ARHGAP15: variants seen among roughly 807,000 people sequenced by gnomAD.
The protein encoded by ARHGAP15 is Rho GTPase activating protein 15, also known as rho GTPase-activating protein 15.
ARHGAP15 carries 51 observed loss-of-function variants against 63.7 expected under a neutral mutation model. The ratio of observed to expected loss-of-function variants is 0.80; its 90% CI spans 0.64 to 1.01. ARHGAP15 has a LOEUF of 1.01. Ranked by LOEUF, ARHGAP15 falls within the 50% of genes least tolerant of loss-of-function variation. ARHGAP15 has a pLI of 0.00. For synonymous variants in ARHGAP15, 191 were observed against 193.8 expected (o/e 0.99, Z 0.12); for missense variants, 560 against 564.6 (o/e 0.99, Z 0.08).
At chr2:143,668,327 G>A (rs1305798075) in intron 12 of ARHGAP15, among the ~76,000 whole-genome samples, 55 of 150,908 alleles carry the variant, frequency 3.6e-4, no homozygotes, top group Non-Finnish European at 1.0e-4. Flanking sequence ...TCAGCATACA[G>A]AGCAAAGTTA....
intron 10 of ARHGAP15, among the ~76,000 whole-genome samples, chr2:143,520,155 T>C (rs769862813): frequency 1.4e-4 from 21 of 152,296 alleles, no homozygotes; most frequent in Non-Finnish European, 2.6e-4. Flanking sequence ...ATATATATCA[T>C]GTAAAAGATA....
At chr2:143,300,532 A>T (rs1445487674) in intron 6 of ARHGAP15, among the ~76,000 whole-genome samples, 1 of 151,812 alleles carries the variant, frequency 6.6e-6, no homozygotes, top group Admixed American at 6.6e-5. Flanking sequence ...CAGACCTGGA[A>T]CTCTACATTC....
At chr2:143,685,954 A>T (rs1372892787) in intron 12 of ARHGAP15, among the ~76,000 whole-genome samples, 1 of 152,242 alleles carries the variant, frequency 6.6e-6, no homozygotes, top group Non-Finnish European at 1.5e-5. Context: ...CTTTAAAAAA[A>T]AAATTATGTT....
intron 10 of ARHGAP15, among the ~76,000 whole-genome samples, chr2:143,537,198 A>G (rs1359511405): frequency 1.3e-5 from 2 of 152,030 alleles, no homozygotes; most frequent in East Asian, 1.9e-4. Context: ...GTCTGTTCAT[A>G]TCCTTTGCCC....
chr2:143,250,704 G>T, intron 6 of ARHGAP15, 104 bp downstream of exon 6: 1 of 875,398 alleles, frequency 1.1e-6, no homozygotes, highest in Non-Finnish European at 1.8e-6. Flanking sequence ...TCATGTACAT[G>T]AACTCGTTGT....
chr2:143,176,175 T>G (rs140460750), intron 2 of ARHGAP15, among the ~76,000 whole-genome samples: 2 of 152,280 alleles, frequency 1.3e-5, no homozygotes, highest in African/African-American at 4.8e-5. Context: ...AGGAGGCTTT[T>G]GTCACATGGT....
intron 1 of ARHGAP15, among the ~76,000 whole-genome samples, chr2:143,145,839 GGT>G (rs4008348): frequency 0.19 from 27,172 of 142,554 alleles, 2,858 homozygotes; most frequent in African/African-American, 0.29. Context: ...TATGTATAGG[GGT>G]GTGTGTGTGT....
chr2:143,712,803 T>TA (rs11464621), intron 13 of ARHGAP15, among the ~76,000 whole-genome samples: 101,499 of 145,460 alleles, frequency 0.7, 35,382 homozygotes, highest in Admixed American at 0.75. Context: ...CCTTCAGCTT[T>TA]AAAAAAAAAA....
At chr2:143,541,326 C>T (rs1397990652) in intron 10 of ARHGAP15, among the ~76,000 whole-genome samples, 2 of 151,902 alleles carry the variant, frequency 1.3e-5, no homozygotes, top group African/African-American at 2.4e-5. Flanking sequence ...GTTCGAACTT[C>T]CTCCTTTAGC....
chr2:143,656,884 T>C (rs1298159710), intron 12 of ARHGAP15, among the ~76,000 whole-genome samples: 1 of 151,254 alleles, frequency 6.6e-6, no homozygotes, highest in Non-Finnish European at 1.5e-5. Context: ...ACCTCCCTTC[T>C]GACTTCTATT....
intron 12 of ARHGAP15, among the ~76,000 whole-genome samples, chr2:143,660,080 A>T (rs1248630011): frequency 6.6e-6 from 1 of 152,222 alleles, no homozygotes; most frequent in African/African-American, 2.4e-5. Context: ...TTTTGCTGCC[A>T]TGTGACAAGA....
intron 8 of ARHGAP15, among the ~76,000 whole-genome samples, chr2:143,474,875 G>T (rs981921625): frequency 1.3e-5 from 2 of 152,164 alleles, no homozygotes; most frequent in East Asian, 3.9e-4. Context: ...ACTCATTTAG[G>T]AAAGAAGTAA....
intron 10 of ARHGAP15, among the ~76,000 whole-genome samples, chr2:143,544,985 C>T (rs1193442296): frequency 3.9e-5 from 6 of 152,160 alleles, no homozygotes; most frequent in Non-Finnish European, 7.4e-5. Context: ...TTAGGAGCAC[C>T]TTCTTCTTTG....
intron 8 of ARHGAP15, among the ~76,000 whole-genome samples, chr2:143,444,889 T>G (rs1487132457): frequency 6.6e-6 from 1 of 152,138 alleles, no homozygotes; most frequent in Non-Finnish European, 1.5e-5. Context: ...CTTCAAGAAA[T>G]GGCTCATGGA....
intron 11 of ARHGAP15, among the ~76,000 whole-genome samples, chr2:143,562,060 G>T (rs1696052695): frequency 6.6e-6 from 1 of 152,006 alleles, no homozygotes; most frequent in African/African-American, 2.4e-5. Context: ...TTAGATATTG[G>T]CTTAAAGAGA....
intron 6 of ARHGAP15, among the ~76,000 whole-genome samples, chr2:143,373,016 A>T (rs1686630554): frequency 6.6e-6 from 1 of 151,106 alleles, no homozygotes; most frequent in South Asian, 2.1e-4. Flanking sequence ...AGTGAGGGAG[A>T]TACACATTTA....
chr2:143,160,606 C>T (rs1690252391), intron 2 of ARHGAP15, among the ~76,000 whole-genome samples: 1 of 151,948 alleles, frequency 6.6e-6, no homozygotes, highest in Non-Finnish European at 1.5e-5. Context: ...ATTTTAAAAA[C>T]AGCAACAAAC....
chr2:143,379,483 ATATATGTG>A (rs1480961947), intron 6 of ARHGAP15, among the ~76,000 whole-genome samples: 3 of 50,964 alleles, frequency 5.9e-5, no homozygotes, highest in Admixed American at 5.4e-4. Context: ...TTTTAGGCAT[ATATATGTG>A]TGTGTGTGTG....
intron 12 of ARHGAP15, among the ~76,000 whole-genome samples, chr2:143,650,302 G>A (rs1203747947): frequency 6.6e-6 from 1 of 151,904 alleles, no homozygotes; most frequent in Non-Finnish European, 1.5e-5. Context: ...ACCAAGAAAA[G>A]AGTGGGTTGG....
Sources: allele counts gnomAD v4.1 joint callset (sites outside exome capture counted in the v4.1 genomes callset), GRCh38; gene constraint gnomAD v4.1.1; transcripts MANE v1.5; gene names NCBI Gene and HGNC (gene_info 2026-07-23, HGNC 2026-07-21).